Variants in ZBBX observed in about 807,000 individuals in gnomAD.
ZBBX encodes the protein zinc finger B-box domain containing, also known as zinc finger B-box domain-containing protein 1.
Under a neutral mutation model 108.5 loss-of-function variants are expected in ZBBX, and 101 were observed. The observed-to-expected ratio is 0.93, with a 90% CI of 0.79 to 1.10. The LOEUF is 1.10. ZBBX is among the 50% of genes least tolerant of loss of function. The pLI, the probability that ZBBX is intolerant of heterozygous loss-of-function variation, is 0.00. For synonymous variants in ZBBX, 356 were observed against 323.4 expected, an observed-to-expected ratio of 1.10 and a Z score of -1.08; for missense variants, 1,009 against 941.4, an observed-to-expected ratio of 1.07 and a Z score of -0.94.
chr3:167,317,081 G>C lies in ZBBX; in HGVS notation c.1118C>G (p.Thr373Arg). The C allele has an allele frequency of 6.2e-7, 1 of 1,610,116 alleles. No homozygotes were observed. Among genetic ancestry groups the C allele is most frequent in the East Asian group, 2.2e-5 (1 of 44,664 alleles). ...SDGEETKVQH[T>R]ALLLPVETLN... is the part of the protein sequence containing the mutation. ...TGTTTCTACTGGCAATAAAAGAGCT[G>C]TGTGTTGTACTTTGGTCTCCTCACC... Residue 373 changes from threonine to arginine, a missense_variant, in exon 14 of 22, where the codon ACA (threonine) becomes AGA (arginine). Coordinates refer to ENST00000675490, the MANE Select transcript of ZBBX (RefSeq NM_001199201.2).
chr3:167,284,801 G>GTTTGATTC (rs1372499039), intron 19 of ZBBX, among the ~76,000 whole-genome samples: 1 of 152,030 alleles, frequency 6.6e-6, no homozygotes, highest in Non-Finnish European at 1.5e-5. Context: ...AGAGGCCCCA[G>GTTTGATTC]TTTGATTCTT....
At chr3:167,227,596 G>A in the ZBBX span, among the ~76,000 whole-genome samples, 7 of 151,544 alleles carry the variant, frequency 4.6e-5, no homozygotes, top group Non-Finnish European at 8.9e-5. Flanking sequence ...ATTTTCATAC[G>A]TGGTCACCTT....
rs758583748 is a variant in ZBBX at position 167,242,476 on chromosome 3, T to A, written c.2393+29A>T. ...TGTCAAAATTTTACTACATACTATA[T>A]TAATAAATAAACTGCAGGCTTAACT... On this transcript the variant is annotated intron_variant, in intron 21 of 21. Coordinates refer to ENST00000675490, the MANE Select transcript of ZBBX (RefSeq NM_001199201.2). The A allele has an allele frequency of 6.4e-6, 10 of 1,572,482 alleles. No individual in the cohort carries two copies. The South Asian group carries it at 1.2e-4, about 19-fold the overall frequency.
At chr3:167,207,603 C>A in the ZBBX span, among the ~76,000 whole-genome samples, 6 of 152,132 alleles carry the variant, frequency 3.9e-5, no homozygotes, top group African/African-American at 7.2e-5. Context: ...TCATTTACAG[C>A]AACATGGATG....
rs1022720922 is a variant in ZBBX at position 167,369,825 on chromosome 3, C to A, written c.69-1251G>T. ...AAACCTAAAGGATGAAAGGACTTAG[C>A]CAGTCAAAGGGAAGTGCTGAGTGCA... On this transcript the variant is annotated intron_variant, in intron 4 of 21. Transcript: ENST00000675490. 2.6e-5 allele frequency among the ~76,000 whole-genome samples: 4 copies of A among 152,032 alleles called. No individual in the cohort carries two copies. In the East Asian group the frequency reaches 7.7e-4, roughly 29 times the overall value.
intron 4 of ZBBX, 46 bp from the exon 5 acceptor site, chr3:167,368,620 GC>G: frequency 6.9e-7 from 1 of 1,453,564 alleles, no homozygotes; most frequent in Non-Finnish European, 9.2e-7. Context: ...AACAAGCGAA[GC>G]CAAAATAATT....
intron 20 of ZBBX, among the ~76,000 whole-genome samples, chr3:167,250,763 G>C (rs191118747): frequency 7.3e-4 from 111 of 152,202 alleles, no homozygotes; most frequent in African/African-American, 2.6e-3. Context: ...TACCGGAGGG[G>C]TCGAGGAAGT....
chr3:167,229,684 C>A, the ZBBX span, among the ~76,000 whole-genome samples: 1 of 151,858 alleles, frequency 6.6e-6, no homozygotes, highest in African/African-American at 2.4e-5. Context: ...ACATCTTCTA[C>A]CTCTGGAAGA....
the ZBBX span, among the ~76,000 whole-genome samples, chr3:167,187,210 C>T: frequency 6.6e-6 from 1 of 152,102 alleles, no homozygotes; most frequent in Non-Finnish European, 1.5e-5. Context: ...TTCTTGTTTG[C>T]CAAGTGAAAC....
At chr3:167,361,428 G>A (rs1467238556) in intron 6 of ZBBX, among the ~76,000 whole-genome samples, 1 of 152,100 alleles carries the variant, frequency 6.6e-6, no homozygotes, top group African/African-American at 2.4e-5. Flanking sequence ...AATGAAGGAT[G>A]GTGTGCATTT....
chr3:167,385,823 A>G (rs11714970), intron 1 of ZBBX, among the ~76,000 whole-genome samples: 49,665 of 151,846 alleles, frequency 0.33, 8,281 homozygotes, highest in African/African-American at 0.38. Context: ...TGTATATGTC[A>G]TCCCGTCACT....
chr3:167,209,624 G>A, the ZBBX span, among the ~76,000 whole-genome samples: 1 of 152,160 alleles, frequency 6.6e-6, no homozygotes, highest in South Asian at 2.1e-4. Context: ...GTACAAACAA[G>A]CCCAGATAGC....
At chr3:167,382,774 A>C (rs543474584), upstream of ZBBX, among the ~76,000 whole-genome samples, 1 of 152,158 alleles carries the variant, frequency 6.6e-6, no homozygotes, top group Non-Finnish European at 1.5e-5. Context: ...AACTATTGAT[A>C]AAGTCTCTGT....
At chr3:167,355,845 T>C (rs1259975694) in intron 8 of ZBBX, among the ~76,000 whole-genome samples, 1 of 152,092 alleles carries the variant, frequency 6.6e-6, no homozygotes, top group African/African-American at 2.4e-5. Context: ...AAATTCTTTA[T>C]TCTAAATTCT....
At chr3:167,395,719 C>T (rs761215165) in intron 1 of ZBBX, among the ~76,000 whole-genome samples, 18 of 151,960 alleles carry the variant, frequency 1.2e-4, no homozygotes, top group Non-Finnish European at 2.1e-4. Context: ...ACTGTGCATA[C>T]GGATTGAAGG....
chr3:167,240,916 AC>A lies in ZBBX; in HGVS notation c.2396del (p.Cys799PhefsTer56). On this transcript the variant is annotated frameshift_variant and splice_region_variant, in exon 22 of 22. Transcript: ENST00000675490. LOFTEE classifies it high-confidence loss of function. ...ACTGAATTTTGGTATCTCTTCCAGA[AC>A]AGCTGAAAATACATAACAAGATCAA... ...RGPCGVEELS[C>X]SGRDTKIQSL... 6.2e-7 allele frequency: 1 copy of A among 1,612,816 alleles called. No homozygotes were observed. Among genetic ancestry groups the A allele is most frequent in the Non-Finnish European group, 8.5e-7 (1 of 1,179,214 alleles).
intron 9 of ZBBX, among the ~76,000 whole-genome samples, chr3:167,339,720 T>C (rs1311512585): frequency 6.6e-6 from 1 of 152,108 alleles, no homozygotes; most frequent in Non-Finnish European, 1.5e-5. Flanking sequence ...GTTACATAGG[T>C]GTACGTGTGC....
At chr3:167,320,911 G>A (rs1415286578) in intron 12 of ZBBX, among the ~76,000 whole-genome samples, 3 of 152,000 alleles carry the variant, frequency 2.0e-5, no homozygotes, top group Non-Finnish European at 1.5e-5. Flanking sequence ...GGGAAAGACT[G>A]AAGAACTGTA....
Position 167,305,670 on chromosome 3 carries a change from T to C in ZBBX, c.1698A>G (p.Glu566=). ...GTGATGACTTTGTAGTTTTTGATTC[T>C]TCAAAGCTTGGCCTCTTATACAGAT... ...LSNLYKRPSF[E]ESKTTKSSLL... is the part of the protein sequence containing the mutation. The change falls in exon 17 of 22, where the codon GAA becomes GAG. Residue 566 remains glutamate (E), a synonymous_variant. Transcript: ENST00000675490. 1 of 1,576,614 alleles carries C rather than the reference T, an allele frequency of 6.3e-7. No individual in the cohort carries two copies. Among genetic ancestry groups the C allele is most frequent in the Non-Finnish European group, 8.6e-7 (1 of 1,165,894 alleles).
Sources: allele counts gnomAD v4.1 joint callset (sites outside exome capture counted in the v4.1 genomes callset), GRCh38; gene constraint gnomAD v4.1.1; transcripts MANE v1.5; gene names NCBI Gene and HGNC (gene_info 2026-07-23, HGNC 2026-07-21).